Variants in MAP3K15 observed in about 807,000 individuals in gnomAD.
The protein encoded by MAP3K15 is MAPK/ERK kinase kinase 15.
Under a neutral mutation model 99.5 loss-of-function variants are expected in MAP3K15, and 124 were observed. The observed-to-expected ratio is 1.25, with a 90% CI of 1.08 to 1.45. MAP3K15 has a LOEUF of 1.45. Among genes scored for constraint, MAP3K15 ranks in the 40% most tolerant of loss-of-function variants. MAP3K15 has a pLI of 0.00. For missense variants in MAP3K15, 1,242 were observed against 1,079.7 expected (o/e 1.15, Z -2.11); for synonymous variants, 494 against 439.6 (o/e 1.12, Z -1.55).
In MAP3K15 at chrX:19,410,731, A is replaced by G. The variant is rs763281363; in HGVS notation, c.1699-758T>C. Among the ~76,000 whole-genome samples, 4 of 112,157 alleles carry G rather than the reference A, an allele frequency of 3.6e-5. No individual in the cohort carries two copies. The East Asian group carries it at 1.1e-3, about 31-fold the overall frequency. ...GGATTTCAAACAGCACCCAAGTTGC[A>G]CTTACAAACAAAAACTAACTCGGTC... On this transcript the variant is annotated intron_variant, in intron 11 of 28. Coordinates refer to ENST00000338883, the MANE Select transcript of MAP3K15 (RefSeq NM_001001671.4).
chrX:19,374,168 C>A (rs2063401030), intron 20 of MAP3K15, among the ~76,000 whole-genome samples: 1 of 111,144 alleles, frequency 9.0e-6, no homozygotes, highest in South Asian at 3.8e-4. Flanking sequence ...GACGCAGAAC[C>A]CCAGCTGGGG....
Position 19,486,485 on chromosome X carries a change from G to GT in MAP3K15, c.521dup (p.Asn174LysfsTer20), listed in dbSNP as rs745655024. On this transcript the variant is annotated frameshift_variant, in exon 3 of 29. Transcript: ENST00000338883. LOFTEE classifies it high-confidence loss of function. ...TTCTGAAAATGTTAATACTTACTGTGTTTTTTTGAGTTACCATGTCCTGAA... is the reference window on the plus strand; with the variant it reads ...TTCTGAAAATGTTAATACTTACTGTGTTTTTTTTGAGTTACCATGTCCTGAA... 17 of 846,624 alleles carry GT rather than the reference G, an allele frequency of 2.0e-5. No homozygotes were observed. Among genetic ancestry groups the GT allele is most frequent in the East Asian group, 1.1e-4 (3 of 26,535 alleles). The allele number at this position is 846,624 out of a possible 1,213,427, so 69.8% of individuals were successfully genotyped here. A position where few individuals can be genotyped will look rare whatever the true frequency, so the allele number is the denominator to read the frequency against.
intron 9 of MAP3K15, among the ~76,000 whole-genome samples, chrX:19,415,983 T>C (rs773652701): frequency 1.8e-5 from 2 of 111,930 alleles, no homozygotes; most frequent in Admixed American, 9.5e-5. Context: ...AAGAATTTCA[T>C]AGCCACCTCC....
In MAP3K15 at chrX:19,371,378, C is replaced by T; in HGVS notation, c.3261G>A (p.Gln1087=). The change falls in exon 23 of 29, where the codon CAG becomes CAA. Residue 1087 remains glutamine (Q), a synonymous_variant. Transcript: ENST00000338883. ...GAAATCCGAACAGCACCAGGTGAAT[C>T]TGACTGATGGACGAGCTGTCAAAGT... ...DLDFDSSSIS[Q]IHLVLFGFQD... 1 of 1,210,750 alleles carries T rather than the reference C, an allele frequency of 8.3e-7. No homozygotes were observed. Among genetic ancestry groups the T allele is most frequent in the Non-Finnish European group, 1.1e-6 (1 of 894,743 alleles).
Position 19,424,295 on chromosome X carries a change from CATATATAT to C in MAP3K15, c.1439+1228_1439+1235del, listed in dbSNP as rs1358329280. Among the ~76,000 whole-genome samples the C allele has an allele frequency of 7.5e-4, 74 of 99,041 alleles. 1 individual carries two copies. The highest frequency in any genetic ancestry group is 2.6e-3 in the African/African-American group (60 of 22,718). 86.0% of individuals were successfully genotyped at this position (99,041 alleles called of 115,157 possible). A position where few individuals can be genotyped will look rare whatever the true frequency, so the allele number is the denominator to read the frequency against. On this transcript the variant is annotated intron_variant, in intron 9 of 28. Transcript: ENST00000338883. ...ACATATATACACACATATATATACA[CATATATAT>C]ACACACATATATATACATATATATA...
chrX:19,382,780 G>C lies in MAP3K15; in HGVS notation c.2432-2503C>G, dbSNP rs758459617. 1.2e-3 allele frequency among the ~76,000 whole-genome samples: 136 copies of C among 112,143 alleles called. 1 individual carries two copies. Among genetic ancestry groups the C allele is most frequent in the Non-Finnish European group, 1.4e-3 (77 of 53,179 alleles). ...CCTATGGGCTCTTGCTGCTGTAACA[G>C]AGGGAGAGGTCTTGGCAGGGAATGT... On this transcript the variant is annotated intron_variant, in intron 18 of 28. Coordinates refer to ENST00000338883, the MANE Select transcript of MAP3K15 (RefSeq NM_001001671.4).
intron 21 of MAP3K15, 38 bp downstream of exon 21, chrX:19,373,498 T>A (rs762898337): frequency 2.6e-6 from 3 of 1,161,707 alleles, no homozygotes; most frequent in Non-Finnish European, 3.5e-6. Context: ...ACCAGCACCC[T>A]TTCGGGCCCG....
chrX:19,440,915 C>T (rs906009144), intron 6 of MAP3K15, among the ~76,000 whole-genome samples: 3 of 112,194 alleles, frequency 2.7e-5, no homozygotes, highest in Admixed American at 9.5e-5. Flanking sequence ...GACTTGTGGC[C>T]GATGAAACAT....
rs776661644 is a variant in MAP3K15 at position 19,455,347 on chromosome X, C to CTT, written c.995+1564_995+1565dup. 2.6e-3 allele frequency among the ~76,000 whole-genome samples: 250 copies of CTT among 94,628 alleles called. 2 individuals carry two copies. The highest frequency in any genetic ancestry group is 9.3e-3 in the African/African-American group (232 of 24,819). 82.2% of individuals were successfully genotyped at this position (94,628 alleles called of 115,157 possible). A position where few individuals can be genotyped will look rare whatever the true frequency, so the allele number is the denominator to read the frequency against. ...TTTTCTATGTCTTTTTTTCTTTTTT[C>CTT]TTTTTTTTTTTTTTGAAACAGGGTC... On this transcript the variant is annotated intron_variant, in intron 6 of 28. Transcript: ENST00000338883.
At chrX:19,421,027 G>A (rs923643579) in intron 9 of MAP3K15, among the ~76,000 whole-genome samples, 7 of 111,007 alleles carry the variant, frequency 6.3e-5, no homozygotes, top group Non-Finnish European at 9.4e-5. Flanking sequence ...TTGATGGGAC[G>A]TATCTCAAAA....
At chrX:19,451,688 G>C (rs2064040038) in intron 6 of MAP3K15, among the ~76,000 whole-genome samples, 1 of 109,975 alleles carries the variant, frequency 9.1e-6, no homozygotes, top group Non-Finnish European at 1.9e-5. Context: ...ATAAGTGTTG[G>C]CAAGGATTGG....
In MAP3K15 at chrX:19,515,402, C is replaced by G; in HGVS notation, c.-141G>C. The G allele has an allele frequency of 3.3e-6, 1 of 306,970 alleles. No homozygotes were observed. Among genetic ancestry groups the G allele is most frequent in the Non-Finnish European group, 4.6e-6 (1 of 218,522 alleles). 25.3% of individuals were successfully genotyped at this position (306,970 alleles called of 1,213,427 possible). On this transcript the variant is annotated 5_prime_UTR_variant, in exon 1 of 29. Coordinates refer to ENST00000338883, the MANE Select transcript of MAP3K15 (RefSeq NM_001001671.4). ...CGCTACGGGAATCGAGGGAACGGAG[C>G]GCACCGGGGACCCCGCGGCGGGCCG...
intron 1 of MAP3K15, among the ~76,000 whole-genome samples, chrX:19,508,546 G>A (rs1436736284): frequency 1.8e-5 from 2 of 112,040 alleles, no homozygotes; most frequent in African/African-American, 6.5e-5. Flanking sequence ...ACTAAAAATG[G>A]CCAAAATAGT....
chrX:19,422,137 A>T (rs1602295213), intron 9 of MAP3K15, among the ~76,000 whole-genome samples: 1 of 110,243 alleles, frequency 9.1e-6, no homozygotes, highest in Admixed American at 9.7e-5. Context: ...CTTCATGTCT[A>T]AAACACCAAA....
intron 19 of MAP3K15, among the ~76,000 whole-genome samples, chrX:19,378,227 A>G (rs1173849967): frequency 8.9e-6 from 1 of 112,313 alleles, no homozygotes; most frequent in Non-Finnish European, 1.9e-5. Flanking sequence ...CGGCCTCATC[A>G]TCCATAAGCA....
intron 20 of MAP3K15, 61 bp downstream of exon 20, chrX:19,374,416 A>AGCCCAGC: frequency 9.3e-7 from 1 of 1,077,187 alleles, no homozygotes; most frequent in Non-Finnish European, 1.3e-6. Context: ...GCAGCAGAGA[A>AGCCCAGC]GCCCAGCGCC....
rs2147247021 is a variant in MAP3K15, at chrX:19,392,397, G to C, written c.2271C>G (p.Ile757Met). Residue 757 changes from isoleucine (I) to methionine (M), a missense_variant, in exon 17 of 29, where the codon ATC (isoleucine) becomes ATG (methionine). Transcript: ENST00000338883. ...CATGAAGATACTTAAGGCCCTCCAGGATCTGTTTGGTGTAAAACTTGATTG... is the reference window on the plus strand; with the variant it reads ...CATGAAGATACTTAAGGCCCTCCAGCATCTGTTTGGTGTAAAACTTGATTG... Reference protein sequence around the residue: ...EPTIKFYTKQILEGLKYLHEN... With the variant: ...EPTIKFYTKQMLEGLKYLHEN... 5.0e-6 allele frequency: 6 copies of C among 1,208,133 alleles called. No homozygotes were observed. In the East Asian group the frequency reaches 1.5e-4, roughly 30 times the overall value.
Position 19,515,027 on chromosome X carries a change from G to GGCCGCCGGCCGC in MAP3K15, c.223_234dup (p.Ala75_Gly78dup), listed in dbSNP as rs2064552391. 9.5e-7 allele frequency: 1 copy of GGCCGCCGGCCGC among 1,057,658 alleles called. No individual in the cohort carries two copies. The highest frequency in any genetic ancestry group is 1.2e-6 in the Non-Finnish European group (1 of 815,066). The allele number at this position is 1,057,658 out of a possible 1,213,427, so 87.2% of individuals were successfully genotyped here. On this transcript the variant is annotated inframe_insertion, in exon 1 of 29. Coordinates refer to ENST00000338883, the MANE Select transcript of MAP3K15 (RefSeq NM_001001671.4). The stretch of plus-strand genomic sequence containing the variant: ...AGGCACTGCCGCGCCCCAGCCTCCG[G>GGCCGCCGGCCGC]GCCGCCGGCCGCGCCGCCCTGGGAG...
intron 1 of MAP3K15, among the ~76,000 whole-genome samples, chrX:19,504,591 C>A (rs965462438): frequency 2.7e-5 from 3 of 111,754 alleles, no homozygotes; most frequent in Non-Finnish European, 5.6e-5. Context: ...CATTTCATAT[C>A]TTTTGTTTAA....
Sources: gnomAD v4.1 joint callset for allele counts (sites outside exome capture counted in the v4.1 genomes callset) on GRCh38, gnomAD v4.1.1 for gene constraint, MANE v1.5 for transcripts, NCBI Gene and HGNC (gene_info 2026-07-23, HGNC 2026-07-21) for gene names.